Variants in NELL1 observed in about 807,000 individuals in gnomAD.
The protein encoded by NELL1 is protein kinase C-binding protein NELL1.
In NELL1, 76 loss-of-function variants were observed where a neutral mutation model predicts 107.4. The observed-to-expected ratio is 0.71, with a 90% CI of 0.59 to 0.86. The LOEUF (loss-of-function observed/expected upper bound fraction) is 0.86. Ranked by LOEUF, NELL1 falls within the 40% of genes least tolerant of loss-of-function variation. The pLI is 0.00. For synonymous variants in NELL1, 353 were observed against 341.2 expected, an observed-to-expected ratio of 1.03 and a Z score of -0.38; for missense variants, 1,024 against 1,005.5, an observed-to-expected ratio of 1.02 and a Z score of -0.25.
At chr11:21,205,379 A>C (rs1201710120) in intron 13 of NELL1, among the ~76,000 whole-genome samples, 1 of 152,202 alleles carries the variant, frequency 6.6e-6, no homozygotes, top group African/African-American at 2.4e-5. Flanking sequence ...GGCTCCACCC[A>C]GTTGGAACTT....
At chr11:21,474,382 C>G (rs1181260877) in intron 15 of NELL1, among the ~76,000 whole-genome samples, 1 of 151,808 alleles carries the variant, frequency 6.6e-6, no homozygotes, top group East Asian at 1.9e-4. Context: ...GTCTGTGTTC[C>G]CTTTATAAGA....
At chr11:20,984,358 C>T (rs1169359788) in intron 12 of NELL1, among the ~76,000 whole-genome samples, 1 of 152,144 alleles carries the variant, frequency 6.6e-6, no homozygotes, top group African/African-American at 2.4e-5. Flanking sequence ...CTTGGCTTTA[C>T]TTCTTAATTG....
chr11:21,208,946 G>C (rs1857443732), intron 13 of NELL1, among the ~76,000 whole-genome samples: 1 of 152,150 alleles, frequency 6.6e-6, no homozygotes, highest in East Asian at 1.9e-4. Context: ...GAGCTTAGCA[G>C]AGAATCAGCA....
In NELL1 at chr11:20,815,556, C is replaced by A. The variant is rs141616542; in HGVS notation, c.335+31726C>A. On this transcript the variant is annotated intron_variant, in intron 3 of 19. Coordinates refer to ENST00000357134, the MANE Select transcript of NELL1 (RefSeq NM_006157.5). ...TCCCTTGTAGATTGTAGTTATTAGACCATTGTTAGATACATAGTTTGCAAA... is the reference window on the plus strand; with the variant it reads ...TCCCTTGTAGATTGTAGTTATTAGAACATTGTTAGATACATAGTTTGCAAA... Among the ~76,000 whole-genome samples the A allele has an allele frequency of 5.9e-5, 9 of 152,168 alleles. No individual in the cohort carries two copies. The East Asian group carries it at 9.6e-4, about 16-fold the overall frequency.
chr11:20,914,342 G>C (rs922694602), intron 5 of NELL1, among the ~76,000 whole-genome samples: 2 of 152,048 alleles, frequency 1.3e-5, no homozygotes, highest in African/African-American at 4.8e-5. Context: ...GTTTGATCTG[G>C]AAGGGTAGGA....
chr11:21,032,636 C>G (rs892988319), intron 12 of NELL1, among the ~76,000 whole-genome samples: 2 of 152,138 alleles, frequency 1.3e-5, no homozygotes, highest in Non-Finnish European at 2.9e-5. Flanking sequence ...GATTCACCCG[C>G]CCCAGCCTCT....
At chr11:21,081,458 A>G (rs1018918478) in intron 12 of NELL1, among the ~76,000 whole-genome samples, 3 of 152,088 alleles carry the variant, frequency 2.0e-5, no homozygotes, top group African/African-American at 7.2e-5. Context: ...TGAGGTCTGA[A>G]TTTGTATCCA....
chr11:20,856,233 T>C (rs1848879777), intron 4 of NELL1, among the ~76,000 whole-genome samples: 1 of 152,200 alleles, frequency 6.6e-6, no homozygotes, highest in Non-Finnish European at 1.5e-5. Flanking sequence ...TAGTTTGTTG[T>C]GAGTGTTTCT....
intron 3 of NELL1, among the ~76,000 whole-genome samples, chr11:20,808,086 T>C (rs1857422134): frequency 6.6e-6 from 1 of 152,160 alleles, no homozygotes; most frequent in South Asian, 2.1e-4. Context: ...AAAATCCTTT[T>C]TACTCTTTCC....
intron 15 of NELL1, among the ~76,000 whole-genome samples, chr11:21,508,504 T>C (rs1855354135): frequency 6.6e-6 from 1 of 152,156 alleles, no homozygotes; most frequent in South Asian, 2.1e-4. Context: ...TATTTCTCAA[T>C]TTCACTTAAT....
intron 12 of NELL1, among the ~76,000 whole-genome samples, chr11:21,050,786 G>C (rs1204990384): frequency 1.3e-5 from 2 of 152,118 alleles, no homozygotes; most frequent in Non-Finnish European, 2.9e-5. Flanking sequence ...GGACCACAAA[G>C]ATTCCACCTG....
At chr11:21,385,353 G>A (rs975714050) in intron 15 of NELL1, among the ~76,000 whole-genome samples, 1 of 151,856 alleles carries the variant, frequency 6.6e-6, no homozygotes, top group African/African-American at 2.4e-5. Context: ...TTTCGTATTA[G>A]TCTCTAAAGC....
chr11:21,220,665 A>G (rs1399814990), intron 13 of NELL1, among the ~76,000 whole-genome samples: 3 of 151,750 alleles, frequency 2.0e-5, no homozygotes, highest in Non-Finnish European at 4.4e-5. Context: ...TTTCTTTTTC[A>G]GCTAGTTTGT....
intron 14 of NELL1, among the ~76,000 whole-genome samples, chr11:21,257,920 C>T (rs1181362213): frequency 6.6e-6 from 1 of 151,992 alleles, no homozygotes; most frequent in Non-Finnish European, 1.5e-5. Context: ...TCCCTTTCTC[C>T]TAGTCTCTTT....
At chr11:20,839,541 C>A (rs535424152) in intron 3 of NELL1, among the ~76,000 whole-genome samples, 7 of 152,304 alleles carry the variant, frequency 4.6e-5, no homozygotes, top group African/African-American at 1.7e-4. Context: ...GAAGGGAAAT[C>A]ATAATCAGTG....
At chr11:20,808,020 T>C (rs542021485) in intron 3 of NELL1, among the ~76,000 whole-genome samples, 3 of 152,258 alleles carry the variant, frequency 2.0e-5, no homozygotes, top group African/African-American at 7.2e-5. Flanking sequence ...GGGACCCCAA[T>C]AGCCTGCTTG....
intron 13 of NELL1, among the ~76,000 whole-genome samples, chr11:21,126,204 C>G (rs1855483389): frequency 1.3e-5 from 2 of 152,060 alleles, no homozygotes. Flanking sequence ...ACTCCAGAAG[C>G]TCAAATATAA....
At chr11:21,336,022 T>C (rs544687643) in intron 14 of NELL1, among the ~76,000 whole-genome samples, 9 of 152,236 alleles carry the variant, frequency 5.9e-5, no homozygotes, top group African/African-American at 1.9e-4. Flanking sequence ...ATAGCATTAA[T>C]TAAGGTACAC....
At chr11:20,982,479 A>C (rs181798224) in intron 12 of NELL1, among the ~76,000 whole-genome samples, 2 of 152,204 alleles carry the variant, frequency 1.3e-5, no homozygotes, top group Non-Finnish European at 2.9e-5. Context: ...ATTTGCTGCT[A>C]TCTGGCTATG....
Sources: gnomAD v4.1 joint callset for allele counts (sites outside exome capture counted in the v4.1 genomes callset) on GRCh38, gnomAD v4.1.1 for gene constraint, MANE v1.5 for transcripts, NCBI Gene and HGNC (gene_info 2026-07-23, HGNC 2026-07-21) for gene names.